The following CD5 variants were observed in gnomAD, a reference collection of about 807,000 sequenced individuals.
The protein encoded by CD5 is T-cell surface glycoprotein CD5.
CD5 carries 36 observed loss-of-function variants against 60.3 expected under a neutral mutation model. The observed-to-expected ratio is 0.60, with a 90% confidence interval of 0.46 to 0.79. The LOEUF (loss-of-function observed/expected upper bound fraction) is 0.79. Among genes scored for constraint, CD5 ranks in the 30% least tolerant of loss-of-function variants. CD5 has a pLI of 0.00. For missense variants in CD5, 540 were observed against 630.6 expected, an observed-to-expected ratio of 0.86 and a Z score of 1.54; for synonymous variants, 230 against 257.6, an observed-to-expected ratio of 0.89 and a Z score of 1.03.
intron 6 of CD5, 92 bp downstream of exon 6, chr11:61,121,996 G>A (rs935269075): frequency 8.4e-5 from 100 of 1,190,386 alleles, no homozygotes; most frequent in Non-Finnish European, 1.0e-4. Context: ...GGAAGCCCTG[G>A]GGAGCTAGAC....
upstream of CD5, among the ~76,000 whole-genome samples, chr11:61,099,785 C>T (rs555156299): frequency 2.4e-4 from 36 of 150,828 alleles, no homozygotes; most frequent in African/African-American, 8.3e-4. Flanking sequence ...GGAGATCACA[C>T]ACACATATAT....
At position 61,119,657 on chromosome 11, in the gene CD5, A is replaced by G. The variant is rs573854009; in HGVS notation, c.805+82A>G. 2.4e-4 allele frequency: 239 copies of G among 979,398 alleles called. No homozygotes were observed. The African/African-American group carries it at 3.3e-3, about 13-fold the overall frequency. 60.7% of individuals were successfully genotyped at this position (979,398 alleles called of 1,614,324 possible). ...AGAGCATCCCAGAAGGTCAGGGAAC[A>G]TGTGTGCAGCACAGGGCACTATGGA... On this transcript the variant is annotated intron_variant, in intron 5 of 10. Coordinates refer to ENST00000347785, the MANE Select transcript of CD5 (RefSeq NM_014207.4).
intron 2 of CD5, among the ~76,000 whole-genome samples, chr11:61,117,563 A>T (rs1026561980): frequency 1.3e-5 from 2 of 151,958 alleles, no homozygotes; most frequent in African/African-American, 4.8e-5. Flanking sequence ...ATCTTGGCTC[A>T]CTGCAACCTC....
At chr11:61,099,465 A>G (rs1860627456), upstream of CD5, among the ~76,000 whole-genome samples, 1 of 28,346 alleles carries the variant, frequency 3.5e-5, no homozygotes, top group Admixed American at 4.9e-4. Flanking sequence ...TTACACATAC[A>G]TCAACATGGA....
chr11:61,102,731 T>C, intron 1 of CD5, 116 bp downstream of exon 1: 1 of 922,576 alleles, frequency 1.1e-6, no homozygotes, highest in Non-Finnish European at 1.7e-6. Flanking sequence ...CTCTGGAGCG[T>C]TGTGGAGATT....
At chr11:61,102,180 C>T (rs1860703163), upstream of CD5, among the ~76,000 whole-genome samples, 1 of 152,214 alleles carries the variant, frequency 6.6e-6, no homozygotes. Context: ...CTCAGCCCAG[C>T]CCTCAGCTGC....
At chr11:61,103,234 C>T (rs961852823) in intron 1 of CD5, among the ~76,000 whole-genome samples, 1 of 152,256 alleles carries the variant, frequency 6.6e-6, no homozygotes, top group African/African-American at 2.4e-5. Context: ...GCTCTCACTC[C>T]AGCCCTGGGT....
the CD5 span, among the ~76,000 whole-genome samples, chr11:61,094,091 C>G: frequency 1.3e-5 from 2 of 152,038 alleles, no homozygotes; most frequent in Admixed American, 6.5e-5. Flanking sequence ...GATTAACGGA[C>G]AGTTGAGGCA....
At position 61,125,828 on chromosome 11, in the gene CD5, C is replaced by G. The variant is rs772890572; in HGVS notation, c.1477C>G (p.Gln493Glu). The G allele has an allele frequency of 6.2e-7, 1 of 1,609,538 alleles. No individual in the cohort carries two copies. Among genetic ancestry groups the G allele is most frequent in the South Asian group, 1.1e-5 (1 of 90,546 alleles). ...SDSDYDLHGA[Q>E]RL Reference sequence around the variant, plus strand: ...CAGTGACTATGATCTGCATGGGGCTCAGAGGCTGTAAAGGTGAGCCCGTCT... The same window carrying G: ...CAGTGACTATGATCTGCATGGGGCTGAGAGGCTGTAAAGGTGAGCCCGTCT... The change falls in exon 10 of 11, where the codon CAG becomes GAG. Residue 493 changes from glutamine (Q) to glutamate (E), a missense_variant. Coordinates refer to ENST00000347785, the MANE Select transcript of CD5 (RefSeq NM_014207.4).
At chr11:61,122,864 C>A in intron 6 of CD5, 43 bp from the exon 7 acceptor site, 1 of 1,542,752 alleles carries the variant, frequency 6.5e-7, no homozygotes, top group Non-Finnish European at 8.8e-7. Context: ...CAGTTTTTCT[C>A]CCCCCAGGAC....
chr11:61,094,163 G>C, the CD5 span, among the ~76,000 whole-genome samples: 1 of 151,886 alleles, frequency 6.6e-6, no homozygotes, highest in Non-Finnish European at 1.5e-5. Flanking sequence ...TGGCCAGCTT[G>C]AGCGACACGG....
chr11:61,101,153 T>A, upstream of CD5, among the ~76,000 whole-genome samples: 1 of 74,656 alleles, frequency 1.3e-5, no homozygotes, highest in Non-Finnish European at 2.4e-5. Flanking sequence ...TACACACACA[T>A]CAACATGGAG....
chr11:61,122,396 T>G (rs1337750660), intron 6 of CD5, among the ~76,000 whole-genome samples: 2 of 144,794 alleles, frequency 1.4e-5, no homozygotes, highest in Non-Finnish European at 1.5e-5. Context: ...GATGGATGGA[T>G]GGATGGATGG....
intron 1 of CD5, 48 bp from the exon 2 acceptor site, chr11:61,115,008 A>T (rs1860917494): frequency 2.0e-6 from 3 of 1,535,626 alleles, no homozygotes; most frequent in Non-Finnish European, 2.6e-6. Context: ...GGGAGAAGGG[A>T]GAGAGTGGGA....
At chr11:61,101,113 G>A (rs1393524446), upstream of CD5, among the ~76,000 whole-genome samples, 1 of 92,380 alleles carries the variant, frequency 1.1e-5, no homozygotes, top group African/African-American at 3.9e-5. Flanking sequence ...ACACAACATG[G>A]AGATCACACA....
chr11:61,110,745 G>A (rs1289150684), intron 1 of CD5, among the ~76,000 whole-genome samples: 1 of 152,222 alleles, frequency 6.6e-6, no homozygotes, highest in Non-Finnish European at 1.5e-5. Context: ...AAGTTTCCTG[G>A]TCTGTAAAAT....
intron 1 of CD5, among the ~76,000 whole-genome samples, chr11:61,111,833 C>T (rs1026996432): frequency 1.3e-5 from 2 of 152,236 alleles, no homozygotes; most frequent in Admixed American, 1.3e-4. Context: ...ATCAGTAGCA[C>T]CAGCTCTGAG....
chr11:61,102,808 A>C (rs1022362029), intron 1 of CD5, among the ~76,000 whole-genome samples, 193 bp downstream of exon 1: 1 of 151,884 alleles, frequency 6.6e-6, no homozygotes, highest in African/African-American at 2.4e-5. Flanking sequence ...TGCATGTCCC[A>C]CCCGCCAGGA....
At position 61,121,594 on chromosome 11, in the gene CD5, A is replaced by G; in HGVS notation, c.806-17A>G. 1 of 1,442,996 alleles carries G rather than the reference A, an allele frequency of 6.9e-7. No homozygotes were observed. Among genetic ancestry groups the G allele is most frequent in the Admixed American group, 2.4e-5 (1 of 42,458 alleles). 89.4% of individuals were successfully genotyped at this position (1,442,996 alleles called of 1,614,324 possible). On this transcript the variant is annotated splice_polypyrimidine_tract_variant and intron_variant, in intron 5 of 10. Transcript: ENST00000347785. ...GTTCACACTTGCACCCTCCTTTCCC[A>G]TTGCTTCCCCTCTCAGGTTTCCAGC... is the stretch of plus-strand genomic sequence containing the variant.
Sources: gnomAD v4.1 joint callset for allele counts (sites outside exome capture counted in the v4.1 genomes callset) on GRCh38, gnomAD v4.1.1 for gene constraint, MANE v1.5 for transcripts, NCBI Gene and HGNC (gene_info 2026-07-23, HGNC 2026-07-21) for gene names.